The following AGBL1 variants were observed in gnomAD, a reference collection of about 807,000 sequenced individuals.
The protein encoded by AGBL1 is cytosolic carboxypeptidase 4.
A neutral mutation model predicts 118.9 loss-of-function variants in AGBL1; 130 were observed. The observed-to-expected ratio is 1.09, with a 90% CI of 0.95 to 1.26. The LOEUF (loss-of-function observed/expected upper bound fraction) is 1.26, where lower values mean the gene tolerates loss of function less well. Among genes scored for constraint, AGBL1 ranks in the 50% most tolerant of loss-of-function variants. The pLI, the probability that AGBL1 is intolerant of heterozygous loss-of-function variation, is 0.00. For synonymous variants in AGBL1, 555 were observed against 478.9 expected, an observed-to-expected ratio of 1.16 and a Z score of -2.08; for missense variants, 1,584 against 1,298.1, an observed-to-expected ratio of 1.22 and a Z score of -3.38.
intron 23 of AGBL1, among the ~76,000 whole-genome samples, chr15:86,957,384 G>A (rs1321238079): frequency 6.6e-6 from 1 of 151,922 alleles, no homozygotes; most frequent in African/African-American, 2.4e-5. Context: ...TAACATTTGG[G>A]AAAAAGTTAA....
intron 22 of AGBL1, among the ~76,000 whole-genome samples, chr15:86,680,565 CTTTT>C (rs34873609): frequency 6.3e-5 from 6 of 94,680 alleles, no homozygotes; most frequent in Admixed American, 1.3e-4. Context: ...TCTTTCTTTT[CTTTT>C]TTTTTTTTTT....
chr15:86,743,361 C>A (rs1199868862), intron 22 of AGBL1, among the ~76,000 whole-genome samples: 3 of 152,038 alleles, frequency 2.0e-5, no homozygotes, highest in Non-Finnish European at 4.4e-5. Context: ...ATCTGTCACT[C>A]CCCTAGGTTC....
At chr15:86,277,184 C>G (rs2079267548) in intron 15 of AGBL1, among the ~76,000 whole-genome samples, 1 of 147,720 alleles carries the variant, frequency 6.8e-6, no homozygotes, top group African/African-American at 2.5e-5. Context: ...CAGTGTGCAA[C>G]CATCCTGGAG....
At chr15:86,632,149 T>C (rs1053191570) in intron 21 of AGBL1, among the ~76,000 whole-genome samples, 1 of 151,628 alleles carries the variant, frequency 6.6e-6, no homozygotes, top group African/African-American at 2.4e-5. Flanking sequence ...ACATTTGTAG[T>C]CCCAGCTACT....
At chr15:86,797,797 C>T (rs74025495) in intron 22 of AGBL1, among the ~76,000 whole-genome samples, 86 of 152,200 alleles carry the variant, frequency 5.7e-4, no homozygotes, top group South Asian at 5.4e-3. Context: ...CTTGGAAGAA[C>T]CTGCAAAGGG....
intron 17 of AGBL1, among the ~76,000 whole-genome samples, chr15:86,344,249 T>A (rs1280072238): frequency 1.3e-5 from 2 of 152,178 alleles, no homozygotes; most frequent in Non-Finnish European, 2.9e-5. Flanking sequence ...TCACACTGAG[T>A]GATCACTGGA....
At chr15:86,755,420 G>T (rs1057359487) in intron 22 of AGBL1, among the ~76,000 whole-genome samples, 1 of 152,108 alleles carries the variant, frequency 6.6e-6, no homozygotes, top group African/African-American at 2.4e-5. Context: ...GTTTAGAGTG[G>T]TGGGTGAAAA....
intron 18 of AGBL1, among the ~76,000 whole-genome samples, chr15:86,420,839 C>G (rs181517162): frequency 8.0e-4 from 121 of 152,124 alleles, no homozygotes; most frequent in African/African-American, 2.9e-3. Flanking sequence ...CCAAATCAAT[C>G]AAGTGAAAGA....
In AGBL1 at chr15:86,927,791, C is replaced by A. The variant is rs370435271; in HGVS notation, c.3222-60196C>A. On this transcript the variant is annotated intron_variant, in intron 23 of 24. Transcript: ENST00000441037. ...TGCTTGCCTACACAGACCTCTAGGG[C>A]AGTTGTTCCTCTCAAAACCACTGAT... Among the ~76,000 whole-genome samples the A allele has an allele frequency of 3.4e-4, 51 of 152,210 alleles. 1 individual carries two copies. The East Asian group carries it at 6.8e-3, about 20-fold the overall frequency.
rs367904936 is a variant in AGBL1 at position 86,554,314 on chromosome 15, C to A, written c.2818-47C>A. The A allele has an allele frequency of 1.7e-4, 239 of 1,426,584 alleles. No individual in the cohort carries two copies. The African/African-American group carries it at 3.2e-3, about 19-fold the overall frequency. 88.4% of individuals were successfully genotyped at this position (1,426,584 alleles called of 1,614,324 possible). ...GAAGCTATTTTTATGATGACTATCC[C>A]TAGTCACCCACAACTAATCATCGTT... On this transcript the variant is annotated intron_variant, in intron 20 of 22. Coordinates refer to ENST00000614907, the MANE Select transcript of AGBL1 (RefSeq NM_001386094.1).
At position 86,717,566 on chromosome 15, in the gene AGBL1, A is replaced by G. The variant is rs192709311; in HGVS notation, c.3158+43130A>G. ...TTTCAATGTTTTGCAGACATTTCCCAGAACCTTCACATTTCACTGATTGGC... is the reference window on the plus strand; with the variant it reads ...TTTCAATGTTTTGCAGACATTTCCCGGAACCTTCACATTTCACTGATTGGC... On this transcript the variant is annotated intron_variant, in intron 22 of 22. Transcript: ENST00000614907. Among the ~76,000 whole-genome samples the G allele has an allele frequency of 2.3e-4, 35 of 152,286 alleles. No individual in the cohort carries two copies. The East Asian group carries it at 6.0e-3, about 26-fold the overall frequency.
At chr15:86,222,602 T>C (rs1468875970) in intron 5 of AGBL1, among the ~76,000 whole-genome samples, 3 of 152,154 alleles carry the variant, frequency 2.0e-5, no homozygotes, top group Non-Finnish European at 4.4e-5. Flanking sequence ...GACTTTGGCC[T>C]CAAATCTTAT....
intron 18 of AGBL1, among the ~76,000 whole-genome samples, chr15:86,447,611 A>T (rs563444288): frequency 1.8e-4 from 27 of 152,350 alleles, no homozygotes; most frequent in African/African-American, 6.3e-4. Context: ...CCTGATACAA[A>T]TAGCCACACT....
chr15:86,588,300 C>A (rs578211994), intron 21 of AGBL1, among the ~76,000 whole-genome samples: 1 of 152,272 alleles, frequency 6.6e-6, no homozygotes, highest in Non-Finnish European at 1.5e-5. Context: ...ACCTACAGGT[C>A]TTATCAAAGA....
intron 18 of AGBL1, among the ~76,000 whole-genome samples, chr15:86,434,344 T>C (rs2081974788): frequency 6.6e-6 from 1 of 152,226 alleles, no homozygotes; most frequent in African/African-American, 2.4e-5. Flanking sequence ...CTGACCTTGC[T>C]CTTCAGCTGT....
intron 5 of AGBL1, among the ~76,000 whole-genome samples, chr15:86,177,866 C>T (rs762198827): frequency 4.0e-5 from 6 of 151,786 alleles, no homozygotes; most frequent in Non-Finnish European, 5.9e-5. Flanking sequence ...CCTCAGCTTC[C>T]ACCATAAGAA....
At chr15:86,471,101 C>T (rs915475260) in intron 18 of AGBL1, among the ~76,000 whole-genome samples, 2 of 152,122 alleles carry the variant, frequency 1.3e-5, no homozygotes, top group African/African-American at 4.8e-5. Flanking sequence ...TGCCTTCTTC[C>T]TGATCTAAGA....
chr15:86,439,258 C>T (rs996320653), intron 18 of AGBL1, among the ~76,000 whole-genome samples: 14 of 152,090 alleles, frequency 9.2e-5, no homozygotes, highest in Non-Finnish European at 1.5e-4. Flanking sequence ...AATATTTAAA[C>T]GTTGAAACTA....
intron 18 of AGBL1, among the ~76,000 whole-genome samples, chr15:86,472,596 T>C (rs1047796462): frequency 2.0e-5 from 3 of 152,164 alleles, no homozygotes; most frequent in Admixed American, 6.5e-5. Flanking sequence ...AACATGCTAA[T>C]TGGAGAACAT....
Sources: allele counts gnomAD v4.1 joint callset (sites outside exome capture counted in the v4.1 genomes callset), GRCh38; gene constraint gnomAD v4.1.1; transcripts MANE v1.5; gene names NCBI Gene and HGNC (gene_info 2026-07-23, HGNC 2026-07-21).